EPHB1: variants seen among roughly 807,000 people sequenced by gnomAD.
EPHB1 encodes EPH receptor B1, also known as ephrin type-B receptor 1.
Under a neutral mutation model 94.4 loss-of-function variants are expected in EPHB1, and 30 were observed. The ratio of observed to expected loss-of-function variants is 0.32; its 90% CI spans 0.24 to 0.43. EPHB1 has a LOEUF of 0.43. Among genes scored for constraint, EPHB1 ranks in the 20% least tolerant of loss-of-function variants. EPHB1 has a pLI of 1.00. For missense variants in EPHB1, 1,055 were observed against 1,308.3 expected, an observed-to-expected ratio of 0.81 and a Z score of 2.99; for synonymous variants, 522 against 489.1, an observed-to-expected ratio of 1.07 and a Z score of -0.89.
chr3:134,925,969 AC>A lies in EPHB1; in HGVS notation c.123+91del, dbSNP rs2038784173. On this transcript the variant is annotated intron_variant, in intron 2 of 15. Transcript: ENST00000398015. Reference sequence around the variant, plus strand: ...GGGAGTAGAGACTACCCAGAGCAGTACCTGTGGGGAATGGAATACAGGTGTG... The same window carrying A: ...GGGAGTAGAGACTACCCAGAGCAGTACTGTGGGGAATGGAATACAGGTGTG... 4 of 1,158,160 alleles carry A rather than the reference AC, an allele frequency of 3.5e-6. No individual in the cohort carries two copies. In the African/African-American group the frequency reaches 6.3e-5, roughly 18 times the overall value. 71.7% of individuals were successfully genotyped at this position (1,158,160 alleles called of 1,614,324 possible).
intron 3 of EPHB1, among the ~76,000 whole-genome samples, chr3:134,999,009 C>G (rs1935089014): frequency 1.3e-5 from 2 of 152,134 alleles, no homozygotes; most frequent in Non-Finnish European, 2.9e-5. Flanking sequence ...CAAGGCTGCA[C>G]AGGCTGACTG....
intron 1 of EPHB1, among the ~76,000 whole-genome samples, chr3:134,848,885 C>G (rs1023976798): frequency 6.6e-6 from 1 of 152,220 alleles, no homozygotes; most frequent in Non-Finnish European, 1.5e-5. Context: ...AGTGGTAGAA[C>G]CATGCCCAAA....
chr3:135,012,539 A>G (rs1935656670), intron 3 of EPHB1, among the ~76,000 whole-genome samples: 1 of 152,278 alleles, frequency 6.6e-6, no homozygotes, highest in South Asian at 2.1e-4. Flanking sequence ...GACATGACAG[A>G]GGACATAGAG....
At chr3:135,078,152 G>C (rs919047506) in intron 3 of EPHB1, among the ~76,000 whole-genome samples, 1 of 152,210 alleles carries the variant, frequency 6.6e-6, no homozygotes, top group Non-Finnish European at 1.5e-5. Context: ...GATTTGATGG[G>C]GTAAGAGGCC....
At chr3:134,996,375 G>A (rs1314103731) in intron 3 of EPHB1, among the ~76,000 whole-genome samples, 1 of 151,948 alleles carries the variant, frequency 6.6e-6, no homozygotes, top group Non-Finnish European at 1.5e-5. Context: ...TTGTAGAGAT[G>A]GGGTTTTGCC....
Position 134,902,070 on chromosome 3 carries a change from A to G in EPHB1, c.59-23746A>G, listed in dbSNP as rs532110152. On this transcript the variant is annotated intron_variant, in intron 1 of 15. Coordinates refer to ENST00000398015, the MANE Select transcript of EPHB1 (RefSeq NM_004441.5). ...GAAAGCTTTTGCATAAGGGACAGAT[A>G]TAATCAAATTTGCATTTATAGAAGT... Among the ~76,000 whole-genome samples the G allele has an allele frequency of 5.9e-5, 9 of 152,342 alleles. No individual in the cohort carries two copies. In the South Asian group the frequency reaches 6.2e-4, roughly 11 times the overall value.
chr3:135,178,331 C>G (rs1164108472), intron 9 of EPHB1, among the ~76,000 whole-genome samples: 1 of 151,674 alleles, frequency 6.6e-6, no homozygotes, highest in East Asian at 1.9e-4. Context: ...TGGTGCATGC[C>G]TATAATCCCA....
chr3:134,808,739 T>C (rs999016964), intron 1 of EPHB1, among the ~76,000 whole-genome samples: 1 of 152,150 alleles, frequency 6.6e-6, no homozygotes, highest in Non-Finnish European at 1.5e-5. Flanking sequence ...ATAGGTTCTT[T>C]CTTGATGGGA....
At chr3:134,885,169 A>G (rs1451623747) in intron 1 of EPHB1, among the ~76,000 whole-genome samples, 1 of 152,244 alleles carries the variant, frequency 6.6e-6, no homozygotes, top group African/African-American at 2.4e-5. Context: ...GAGATGAGAA[A>G]TGTACTGGAT....
intron 12 of EPHB1, among the ~76,000 whole-genome samples, chr3:135,221,521 G>T (rs1447032284): frequency 2.0e-5 from 3 of 152,036 alleles, no homozygotes; most frequent in Non-Finnish European, 4.4e-5. Context: ...CAATCATTTA[G>T]CATAATAAGT....
rs562491404 is a variant in EPHB1, at chr3:134,847,690, TCA to T, written c.58+52004_58+52005del. Among the ~76,000 whole-genome samples the T allele has an allele frequency of 8.5e-5, 13 of 152,310 alleles. No individual in the cohort carries two copies. In the East Asian group the frequency reaches 2.1e-3, roughly 25 times the overall value. ...TGGCCAGGGTGCATCCTCACGAGTA[TCA>T]CAGAGTCACCCGAGGGAGCTATTTC... On this transcript the variant is annotated intron_variant, in intron 1 of 15. Transcript: ENST00000398015.
chr3:135,197,817 G>GTTT (rs534497179), intron 11 of EPHB1, among the ~76,000 whole-genome samples: 2 of 148,036 alleles, frequency 1.4e-5, no homozygotes, highest in Admixed American at 1.3e-4. Flanking sequence ...AAATAAGTTA[G>GTTT]TTTTTTTTTT....
chr3:134,795,830 C>T (rs1349208972), intron 1 of EPHB1, 141 bp downstream of exon 1: 10 of 986,930 alleles, frequency 1.0e-5, no homozygotes, highest in African/African-American at 3.5e-5. Context: ...TTGGGAGCCT[C>T]GGCCGCTGCC....
intron 12 of EPHB1, among the ~76,000 whole-genome samples, chr3:135,230,286 A>C (rs1467867445): frequency 1.3e-5 from 2 of 151,990 alleles, no homozygotes; most frequent in Admixed American, 6.5e-5. Context: ...TCCCCTCCCC[A>C]CCTGCCTTGG....
At chr3:135,194,374 GT>G (rs1942539997) in intron 11 of EPHB1, among the ~76,000 whole-genome samples, 1 of 152,188 alleles carries the variant, frequency 6.6e-6, no homozygotes, top group African/African-American at 2.4e-5. Flanking sequence ...AAGTGAAGAA[GT>G]TCTTAAATCT....
chr3:135,248,612 A>T, intron 14 of EPHB1, 103 bp downstream of exon 14: 4 of 1,223,398 alleles, frequency 3.3e-6, no homozygotes, highest in Non-Finnish European at 4.5e-6. Flanking sequence ...TTTAAAGAGT[A>T]TCTAGTTGCA....
At chr3:134,858,887 C>T (rs572686112) in intron 1 of EPHB1, among the ~76,000 whole-genome samples, 11 of 152,276 alleles carry the variant, frequency 7.2e-5, no homozygotes, top group Admixed American at 5.2e-4. Flanking sequence ...GCTGAAGATA[C>T]GGGGCCCCTT....
intron 1 of EPHB1, among the ~76,000 whole-genome samples, chr3:134,896,546 CCTTT>C (rs2038090531): frequency 6.6e-6 from 1 of 152,218 alleles, no homozygotes; most frequent in Non-Finnish European, 1.5e-5. Context: ...TTGTTGCTGA[CCTTT>C]CTCTTTGTGG....
chr3:135,190,175 A>G (rs1039838692), intron 10 of EPHB1, among the ~76,000 whole-genome samples: 5 of 152,218 alleles, frequency 3.3e-5, no homozygotes, highest in African/African-American at 1.2e-4. Context: ...TATTATTTAA[A>G]TGGCCATAGT....
Sources: gnomAD v4.1 joint callset for allele counts (sites outside exome capture counted in the v4.1 genomes callset) on GRCh38, gnomAD v4.1.1 for gene constraint, MANE v1.5 for transcripts, NCBI Gene and HGNC (gene_info 2026-07-23, HGNC 2026-07-21) for gene names.